CADM2: variants seen among roughly 807,000 people sequenced by gnomAD.
The protein encoded by CADM2 is cell adhesion molecule 2.
In CADM2, 12 loss-of-function variants were observed where a neutral mutation model predicts 49.8. The ratio of observed to expected loss-of-function variants is 0.24; its 90% CI spans 0.15 to 0.39. CADM2 has a LOEUF of 0.39. Among genes scored for constraint, CADM2 ranks in the 10% least tolerant of loss-of-function variants. The pLI, the probability that CADM2 is intolerant of heterozygous loss-of-function variation, is 1.00. For synonymous variants in CADM2, 214 were observed against 175.4 expected (o/e 1.22, Z -1.74); for missense variants, 378 against 492.3 (o/e 0.77, Z 2.20).
chr3:85,399,703 G>A (rs1319143146), intron 1 of CADM2, among the ~76,000 whole-genome samples: 1 of 152,156 alleles, frequency 6.6e-6, no homozygotes, highest in African/African-American at 2.4e-5. Flanking sequence ...TCTCTTGTAA[G>A]TTGGATTCCT....
At chr3:85,263,960 A>G (rs1269900146) in intron 1 of CADM2, among the ~76,000 whole-genome samples, 2 of 152,124 alleles carry the variant, frequency 1.3e-5, no homozygotes, top group African/African-American at 2.4e-5. Context: ...CTTAGGTATC[A>G]TGCTTCTGAC....
chr3:85,256,729 A>T (rs2042893421), intron 1 of CADM2, among the ~76,000 whole-genome samples: 1 of 152,108 alleles, frequency 6.6e-6, no homozygotes, highest in African/African-American at 2.4e-5. Flanking sequence ...TAAAAGCTCA[A>T]CTGCATGTTT....
At chr3:85,205,343 C>G (rs536371299) in intron 1 of CADM2, among the ~76,000 whole-genome samples, 6 of 152,188 alleles carry the variant, frequency 3.9e-5, no homozygotes, top group Non-Finnish European at 7.4e-5. Context: ...TTTAAACATA[C>G]TGTTTGAAAA....
At chr3:85,142,532 G>A (rs748465379) in intron 1 of CADM2, among the ~76,000 whole-genome samples, 104 of 152,276 alleles carry the variant, frequency 6.8e-4, no homozygotes, top group Admixed American at 9.2e-4. Context: ...CTTACAATAT[G>A]TGTATAATTG....
chr3:85,651,649 G>A (rs960252197), intron 1 of CADM2, among the ~76,000 whole-genome samples: 2 of 151,898 alleles, frequency 1.3e-5, no homozygotes, highest in African/African-American at 4.8e-5. Context: ...TTCTTTGGAG[G>A]TTATATAAAT....
intron 1 of CADM2, among the ~76,000 whole-genome samples, chr3:85,564,812 A>G (rs1217116225): frequency 6.6e-6 from 1 of 152,090 alleles, no homozygotes; most frequent in Non-Finnish European, 1.5e-5. Context: ...ATAAATGAAA[A>G]CTATCTTAGG....
chr3:85,753,138 T>C (rs60206323), intron 2 of CADM2, among the ~76,000 whole-genome samples: 2,415 of 152,290 alleles, frequency 0.016, 117 homozygotes, highest in East Asian at 0.12. Context: ...CCCAGGGATA[T>C]TGGGAGCTGT....
intron 1 of CADM2, among the ~76,000 whole-genome samples, chr3:85,249,128 C>A (rs1432975578): frequency 6.6e-6 from 1 of 152,028 alleles, no homozygotes; most frequent in Non-Finnish European, 1.5e-5. Context: ...GGTGTTGTTA[C>A]CAAACTATTT....
chr3:86,056,183 G>T (rs73136136), intron 8 of CADM2, among the ~76,000 whole-genome samples: 7,350 of 152,234 alleles, frequency 0.048, 388 homozygotes, highest in African/African-American at 0.14. Context: ...GGGAAAGGAG[G>T]TGAAGCGTTT....
chr3:85,279,311 G>A (rs1454903693), intron 1 of CADM2, among the ~76,000 whole-genome samples: 2 of 151,444 alleles, frequency 1.3e-5, no homozygotes, highest in African/African-American at 4.8e-5. Context: ...TAGTGGATCA[G>A]TGACTCTCTA....
chr3:85,058,997 G>A (rs1225243245), intron 1 of CADM2, among the ~76,000 whole-genome samples: 3 of 151,598 alleles, frequency 2.0e-5, no homozygotes, highest in African/African-American at 7.3e-5. Context: ...ATTCAAGAAT[G>A]CATCTGCCGA....
At chr3:85,398,530 A>G (rs1278493108) in intron 1 of CADM2, among the ~76,000 whole-genome samples, 1 of 152,178 alleles carries the variant, frequency 6.6e-6, no homozygotes, top group Non-Finnish European at 1.5e-5. Flanking sequence ...CAGTAATGGA[A>G]TGGCTGAGTC....
chr3:85,195,479 GAC>G (rs1236829714), intron 1 of CADM2, among the ~76,000 whole-genome samples: 5 of 151,730 alleles, frequency 3.3e-5, no homozygotes, highest in Non-Finnish European at 7.4e-5. Context: ...GAGACTCTGA[GAC>G]AGTTATTTCA....
intron 1 of CADM2, among the ~76,000 whole-genome samples, chr3:85,358,352 G>C (rs1384578331): frequency 6.6e-6 from 1 of 151,732 alleles, no homozygotes; most frequent in African/African-American, 2.4e-5. Flanking sequence ...AGTAAGTCCA[G>C]TCTTATTAAC....
chr3:85,360,690 A>C (rs1233124611), intron 1 of CADM2, among the ~76,000 whole-genome samples: 1 of 152,050 alleles, frequency 6.6e-6, no homozygotes, highest in Non-Finnish European at 1.5e-5. Flanking sequence ...TTTGCCTCCT[A>C]ATTTTTCACG....
At chr3:85,608,711 T>C (rs2063600692) in intron 1 of CADM2, among the ~76,000 whole-genome samples, 1 of 152,188 alleles carries the variant, frequency 6.6e-6, no homozygotes, top group African/African-American at 2.4e-5. Context: ...TAGAATACTC[T>C]CTAGGATAAT....
chr3:85,279,092 C>A (rs1001848111), intron 1 of CADM2, among the ~76,000 whole-genome samples: 3 of 151,328 alleles, frequency 2.0e-5, no homozygotes, highest in African/African-American at 7.3e-5. Flanking sequence ...GTAAGAAATA[C>A]CTTTTCATTT....
intron 2 of CADM2, among the ~76,000 whole-genome samples, chr3:85,789,886 A>T (rs760408711): frequency 2.6e-4 from 40 of 152,202 alleles, no homozygotes; most frequent in Non-Finnish European, 2.9e-4. Context: ...CTAAGAATAG[A>T]AAGAATTGAC....
At chr3:85,275,166 G>A (rs1400345696) in intron 1 of CADM2, among the ~76,000 whole-genome samples, 3 of 151,454 alleles carry the variant, frequency 2.0e-5, no homozygotes, top group Non-Finnish European at 4.4e-5. Context: ...TCTCACTTAA[G>A]CAAGTACCTT....
Sources: gnomAD v4.1 joint callset for allele counts (sites outside exome capture counted in the v4.1 genomes callset) on GRCh38, gnomAD v4.1.1 for gene constraint, MANE v1.5 for transcripts, NCBI Gene and HGNC (gene_info 2026-07-23, HGNC 2026-07-21) for gene names.